The following CXADR variants were observed in gnomAD, a reference collection of about 807,000 sequenced individuals.
The protein encoded by CXADR is CXADR cell adhesion molecule, also known as coxsackievirus and adenovirus receptor.
Under a neutral mutation model 40.3 loss-of-function variants are expected in CXADR, and 20 were observed. That is an observed-to-expected ratio of 0.50 (90% confidence interval 0.35 to 0.72). The LOEUF (loss-of-function observed/expected upper bound fraction) is 0.72, where lower values mean the gene tolerates loss of function less well. CXADR is among the 30% of genes least tolerant of loss of function. CXADR has a pLI of 0.01. For synonymous variants in CXADR, 150 were observed against 161.3 expected, an observed-to-expected ratio of 0.93 and a Z score of 0.53; for missense variants, 332 against 449.1, an observed-to-expected ratio of 0.74 and a Z score of 2.36.
chr21:17,622,458 T>C, the CXADR span, among the ~76,000 whole-genome samples: 1 of 152,194 alleles, frequency 6.6e-6, no homozygotes, highest in Non-Finnish European at 1.5e-5. Context: ...CTTTTTGTGA[T>C]ACAAAAAGAC....
At chr21:17,597,074 T>A (rs1472809550), downstream of CXADR, among the ~76,000 whole-genome samples, 1 of 152,076 alleles carries the variant, frequency 6.6e-6, no homozygotes, top group East Asian at 1.9e-4. Flanking sequence ...TATAAAATGT[T>A]TTGCTAATGA....
the CXADR span, among the ~76,000 whole-genome samples, chr21:17,627,782 C>T: frequency 6.6e-6 from 1 of 152,172 alleles, no homozygotes; most frequent in Non-Finnish European, 1.5e-5. Context: ...AAGTTCAGAG[C>T]CAGTGAGATG....
At chr21:17,526,847 T>C (rs1374196712) in intron 1 of CXADR, among the ~76,000 whole-genome samples, 2 of 152,178 alleles carry the variant, frequency 1.3e-5, no homozygotes, top group Admixed American at 1.3e-4. Flanking sequence ...TTTTTGTTTT[T>C]GTTTTGCTAA....
chr21:17,529,863 A>G (rs766669759), intron 1 of CXADR, among the ~76,000 whole-genome samples: 7 of 152,108 alleles, frequency 4.6e-5, no homozygotes, highest in Admixed American at 2.6e-4. Flanking sequence ...TAGCAACCTG[A>G]TCCGGAAATA....
In CXADR at chr21:17,567,328, T is replaced by C; in HGVS notation, c.*1636T>C. 1 of 985,358 alleles carries C rather than the reference T, an allele frequency of 1.0e-6. No individual in the cohort carries two copies. The highest frequency in any genetic ancestry group is 5.2e-4 in the Middle Eastern group (1 of 1,914). The allele number at this position is 985,358 out of a possible 1,614,324, so 61.0% of individuals were successfully genotyped here. ...ATGTGTAATGGATTTGTGTATAGTTTTACATATTTGGAAGCATTTTAAAAA... is the reference window on the plus strand; with the variant it reads ...ATGTGTAATGGATTTGTGTATAGTTCTACATATTTGGAAGCATTTTAAAAA... On this transcript the variant is annotated 3_prime_UTR_variant, in exon 7 of 7. Coordinates refer to ENST00000284878, the MANE Select transcript of CXADR (RefSeq NM_001338.5).
chr21:17,530,442 A>G (rs1036318157), intron 1 of CXADR: 7 of 455,922 alleles, frequency 1.5e-5, no homozygotes, highest in African/African-American at 4.0e-5. Context: ...GTGATATTCT[A>G]TTATGTGACT....
downstream of CXADR, among the ~76,000 whole-genome samples, chr21:17,597,894 G>A (rs748899041): frequency 6.6e-6 from 1 of 152,140 alleles, no homozygotes; most frequent in East Asian, 1.9e-4. Context: ...CACAAACCTG[G>A]TATGTTTCAC....
At chr21:17,595,676 G>A (rs1485539259), downstream of CXADR, among the ~76,000 whole-genome samples, 1 of 151,702 alleles carries the variant, frequency 6.6e-6, no homozygotes, top group African/African-American at 2.4e-5. Context: ...GCTGTTTTCA[G>A]TCTCTTACTA....
At chr21:17,615,043 G>A in the CXADR span, among the ~76,000 whole-genome samples, 2 of 152,116 alleles carry the variant, frequency 1.3e-5, no homozygotes, top group South Asian at 2.1e-4. Context: ...CGCAATATTC[G>A]TATGTTGGAG....
At chr21:17,587,165 T>C (rs1028098516) in intron 7 of CXADR, among the ~76,000 whole-genome samples, 1 of 152,202 alleles carries the variant, frequency 6.6e-6, no homozygotes, top group Non-Finnish European at 1.5e-5. Context: ...TGGTTCCAAG[T>C]CTTTGCTATT....
chr21:17,535,439 C>A (rs1284583099), intron 1 of CXADR, among the ~76,000 whole-genome samples: 1 of 151,622 alleles, frequency 6.6e-6, no homozygotes, highest in African/African-American at 2.4e-5. Context: ...CTCAAGTGAT[C>A]TTTCCTCCTC....
chr21:17,564,146 A>G (rs1486132599), intron 6 of CXADR, among the ~76,000 whole-genome samples: 1 of 151,648 alleles, frequency 6.6e-6, no homozygotes, highest in Non-Finnish European at 1.5e-5. Flanking sequence ...ATTCTTCGGT[A>G]TCCATGGAGG....
At chr21:17,550,861 T>C (rs2060958369) in intron 2 of CXADR, among the ~76,000 whole-genome samples, 1 of 152,250 alleles carries the variant, frequency 6.6e-6, no homozygotes, top group Non-Finnish European at 1.5e-5. Flanking sequence ...AGAAGATTCA[T>C]TCAAAGGACT....
chr21:17,548,087 A>T (rs1020446790), intron 2 of CXADR, among the ~76,000 whole-genome samples: 2 of 152,166 alleles, frequency 1.3e-5, no homozygotes, highest in Non-Finnish European at 1.5e-5. Context: ...ATTATATTAG[A>T]TCAGGGAGAG....
At chr21:17,590,178 C>G (rs914980274) in intron 7 of CXADR, among the ~76,000 whole-genome samples, 1 of 151,346 alleles carries the variant, frequency 6.6e-6, no homozygotes, top group Non-Finnish European at 1.5e-5. Context: ...CACAAAGTCT[C>G]CCATGATTAT....
At chr21:17,611,425 C>T in the CXADR span, among the ~76,000 whole-genome samples, 1 of 152,182 alleles carries the variant, frequency 6.6e-6, no homozygotes, top group Non-Finnish European at 1.5e-5. Flanking sequence ...AAGGAAAGAA[C>T]CACTTAGTGG....
Position 17,565,626 on chromosome 21 carries a change from T to C in CXADR, c.1032T>C (p.Asn344=), listed in dbSNP as rs1569136784. Residue 344 remains asparagine (N), a synonymous_variant, in exon 7 of 7, where the codon AAT becomes AAC. Transcript: ENST00000284878. ...CACCTGCTAAGGTAGCTGCCCCTAA[T>C]CTAAGTCGAATGGGTGCGATTCCTG... ...TLPPAKVAAP[N]LSRMGAIPVM... 6.2e-7 allele frequency: 1 copy of C among 1,612,268 alleles called. No individual in the cohort carries two copies. Among genetic ancestry groups the C allele is most frequent in the African/African-American group, 1.3e-5 (1 of 74,834 alleles).
At chr21:17,615,342 T>C in the CXADR span, among the ~76,000 whole-genome samples, 1 of 152,164 alleles carries the variant, frequency 6.6e-6, no homozygotes, top group Admixed American at 6.5e-5. Context: ...AGTATTCTGT[T>C]ATAGCATCCT....
At chr21:17,579,385 A>C (rs936063824) in intron 7 of CXADR, among the ~76,000 whole-genome samples, 5 of 151,814 alleles carry the variant, frequency 3.3e-5, no homozygotes, top group Non-Finnish European at 7.4e-5. Context: ...CCCAGGTTCA[A>C]GCGATTCTCC....
Sources: gnomAD v4.1 joint callset for allele counts (sites outside exome capture counted in the v4.1 genomes callset) on GRCh38, gnomAD v4.1.1 for gene constraint, MANE v1.5 for transcripts, NCBI Gene and HGNC (gene_info 2026-07-23, HGNC 2026-07-21) for gene names.